Variants in SLC25A26 observed in about 807,000 individuals in gnomAD.
The protein encoded by SLC25A26 is solute carrier family 25 member 26, also known as mitochondrial S-adenosylmethionine carrier protein.
A neutral mutation model predicts 37.8 loss-of-function variants in SLC25A26; 36 were observed. The observed-to-expected ratio is 0.95, with a 90% confidence interval of 0.73 to 1.26. The LOEUF (loss-of-function observed/expected upper bound fraction) is 1.26, where lower values mean the gene tolerates loss of function less well. Ranked by LOEUF, SLC25A26 falls within the 50% of genes most tolerant of loss-of-function variation. The pLI is 0.00. For synonymous variants in SLC25A26, 129 were observed against 122.5 expected (o/e 1.05, Z -0.35); for missense variants, 390 against 331.1 (o/e 1.18, Z -1.38).
At chr3:66,337,584 C>A (rs556545957) in intron 5 of SLC25A26, among the ~76,000 whole-genome samples, 1 of 151,990 alleles carries the variant, frequency 6.6e-6, no homozygotes, top group African/African-American at 2.4e-5. Context: ...TTAAAACAAA[C>A]CCCCAGAAAT....
chr3:66,230,083 T>C (rs1408754825), intron 1 of SLC25A26, among the ~76,000 whole-genome samples: 5 of 152,222 alleles, frequency 3.3e-5, no homozygotes, highest in Admixed American at 3.3e-4. Context: ...CAAGATTTTT[T>C]CTGAACATTT....
chr3:66,256,781 G>A (rs2073320628), intron 3 of SLC25A26, among the ~76,000 whole-genome samples: 1 of 152,112 alleles, frequency 6.6e-6, no homozygotes, highest in Non-Finnish European at 1.5e-5. Context: ...CGTAGTCCCA[G>A]CTCCGCAAGA....
chr3:66,198,924 C>T (rs2071078764), intron 1 of SLC25A26, among the ~76,000 whole-genome samples: 1 of 152,018 alleles, frequency 6.6e-6, no homozygotes, highest in Admixed American at 6.5e-5. Flanking sequence ...GACCCTCACC[C>T]TGACCCTGAT....
chr3:66,374,938 G>A (rs2107868936), intron 9 of SLC25A26, among the ~76,000 whole-genome samples: 1 of 151,978 alleles, frequency 6.6e-6, no homozygotes, highest in East Asian at 1.9e-4. Context: ...TAGTGAGGAA[G>A]GCATGTGGAA....
chr3:66,294,573 T>A (rs1267606511), intron 5 of SLC25A26, among the ~76,000 whole-genome samples: 1 of 152,192 alleles, frequency 6.6e-6, no homozygotes, highest in African/African-American at 2.4e-5. Flanking sequence ...CTCCTCAAGT[T>A]AGAGGGAGAA....
intron 1 of SLC25A26, among the ~76,000 whole-genome samples, chr3:66,203,717 T>A (rs1381997931): frequency 1.3e-5 from 2 of 152,262 alleles, no homozygotes; most frequent in East Asian, 3.8e-4. Flanking sequence ...TATTTTGGTA[T>A]AGTTCATAAA....
intron 5 of SLC25A26, among the ~76,000 whole-genome samples, chr3:66,311,685 CT>C (rs2075382529): frequency 6.6e-6 from 1 of 151,676 alleles, no homozygotes. Flanking sequence ...CGTGGGTGTC[CT>C]TTTTGTTTTT....
chr3:66,265,578 G>A (rs1382280645), intron 5 of SLC25A26, among the ~76,000 whole-genome samples: 2 of 152,168 alleles, frequency 1.3e-5, no homozygotes, highest in African/African-American at 4.8e-5. Context: ...ACCGAATACT[G>A]AAATTCATTG....
intron 1 of SLC25A26, among the ~76,000 whole-genome samples, chr3:66,190,405 A>G (rs2070917325): frequency 6.6e-6 from 1 of 152,060 alleles, no homozygotes; most frequent in African/African-American, 2.4e-5. Context: ...GCATAGGTTA[A>G]TGCTAACAGT....
chr3:66,261,170 A>C (rs1480737924), intron 3 of SLC25A26, among the ~76,000 whole-genome samples: 1 of 152,212 alleles, frequency 6.6e-6, no homozygotes, highest in African/African-American at 2.4e-5. Flanking sequence ...TGTGAAATCT[A>C]AGTTGCAGAA....
intron 1 of SLC25A26, among the ~76,000 whole-genome samples, chr3:66,170,791 G>GTTTTGTT (rs2070484585): frequency 7.9e-5 from 4 of 50,896 alleles, no homozygotes; most frequent in African/African-American, 3.0e-4. Context: ...TGTGATTATT[G>GTTTTGTT]TTTTTTTTTT....
In SLC25A26 at chr3:66,346,400, T is replaced by C. The variant is rs186531358; in HGVS notation, c.490T>C (p.Ser164Pro). 1 of 1,475,978 alleles carries C rather than the reference T, an allele frequency of 6.8e-7. No homozygotes were observed. Among genetic ancestry groups the C allele is most frequent in the East Asian group, 2.5e-5 (1 of 39,728 alleles). The allele number at this position is 1,475,978 out of a possible 1,614,324, so 91.4% of individuals were successfully genotyped here. A position where few individuals can be genotyped will look rare whatever the true frequency, so the allele number is the denominator to read the frequency against. The change falls in exon 6 of 10, where the codon TCC (serine) becomes CCC (proline). Residue 164 changes from serine to proline, a missense_variant. Transcript: ENST00000354883. ...TTTGGTCCAGTTTCCCTTATGGGAG[T>C]CCTTAAAAGTAAGTTTCTCAGTCTT... is the stretch of plus-strand genomic sequence containing the variant. ...FSLVQFPLWE[S>P]LKALWSWRQD...
chr3:66,286,807 T>G (rs2074527547), intron 5 of SLC25A26, among the ~76,000 whole-genome samples: 1 of 151,998 alleles, frequency 6.6e-6, no homozygotes, highest in African/African-American at 2.4e-5. Context: ...GGATTACAGG[T>G]GTGCACCACC....
intron 6 of SLC25A26, among the ~76,000 whole-genome samples, chr3:66,355,006 G>A (rs897852076): frequency 6.6e-6 from 1 of 152,132 alleles, no homozygotes; most frequent in Non-Finnish European, 1.5e-5. Context: ...CATCAGCGAT[G>A]TGAAAATGGA....
chr3:66,162,344 CTTT>C (rs562402223), intron 1 of SLC25A26, among the ~76,000 whole-genome samples: 3 of 47,340 alleles, frequency 6.3e-5, no homozygotes, highest in Non-Finnish European at 4.5e-5. Context: ...ATTTTTTTTT[CTTT>C]TTTTTTTTTT....
intron 5 of SLC25A26, among the ~76,000 whole-genome samples, chr3:66,337,527 A>G (rs998441018): frequency 6.6e-6 from 1 of 152,056 alleles, no homozygotes; most frequent in African/African-American, 2.4e-5. Flanking sequence ...AATATCTAAG[A>G]TATTGTTTAG....
intron 1 of SLC25A26, among the ~76,000 whole-genome samples, chr3:66,168,152 T>TAAAAAA: frequency 7.3e-6 from 1 of 136,062 alleles, no homozygotes; most frequent in African/African-American, 3.1e-5. Flanking sequence ...AAACTCAGTC[T>TAAAAAA]CAAAAAAAAT....
intron 1 of SLC25A26, among the ~76,000 whole-genome samples, chr3:66,150,631 T>G (rs1411500596): frequency 1.1e-5 from 1 of 87,242 alleles, no homozygotes; most frequent in East Asian, 3.5e-4. Flanking sequence ...TATATATATA[T>G]ATATATATAT....
In SLC25A26 at chr3:66,319,061, G is replaced by T. The variant is rs114997966; in HGVS notation, c.454-27303G>T. ...TATTTTCTAAATGCTTAAGGCTATAGAACAAACAGTAAAGGCAAAGTCACA... is the reference window on the plus strand; with the variant it reads ...TATTTTCTAAATGCTTAAGGCTATATAACAAACAGTAAAGGCAAAGTCACA... On this transcript the variant is annotated intron_variant, in intron 5 of 9. Coordinates refer to ENST00000354883, the MANE Select transcript of SLC25A26 (RefSeq NM_001379210.1). Among the ~76,000 whole-genome samples the T allele has an allele frequency of 7.5e-3, 1,149 of 152,258 alleles. 8 individuals are homozygous for T. Among genetic ancestry groups the T allele is most frequent in the Non-Finnish European group, 0.012 (796 of 68,018 alleles).
Sources: gnomAD v4.1 joint callset for allele counts (sites outside exome capture counted in the v4.1 genomes callset) on GRCh38, gnomAD v4.1.1 for gene constraint, MANE v1.5 for transcripts, NCBI Gene and HGNC (gene_info 2026-07-23, HGNC 2026-07-21) for gene names.